Variants in RAD51B observed in about 807,000 individuals in gnomAD.
The protein encoded by RAD51B is RAD51 paralog B.
A neutral mutation model predicts 42.2 loss-of-function variants in RAD51B; 38 were observed. The ratio of observed to expected loss-of-function variants is 0.90; its 90% CI spans 0.70 to 1.18. The LOEUF is 1.18. RAD51B is among the 50% of genes most tolerant of loss of function. The pLI is 0.00. For synonymous variants in RAD51B, 154 were observed against 145.2 expected, an observed-to-expected ratio of 1.06 and a Z score of -0.43; for missense variants, 373 against 400.7, an observed-to-expected ratio of 0.93 and a Z score of 0.59.
chr14:68,408,173 A>G (rs972216296), intron 8 of RAD51B, among the ~76,000 whole-genome samples: 4 of 152,180 alleles, frequency 2.6e-5, no homozygotes, highest in African/African-American at 9.7e-5. Flanking sequence ...TCTAAGGGTG[A>G]GGTAGGAGAA....
At chr14:68,238,667 G>T (rs1370585775) in intron 7 of RAD51B, among the ~76,000 whole-genome samples, 1 of 152,200 alleles carries the variant, frequency 6.6e-6, no homozygotes, top group Non-Finnish European at 1.5e-5. Context: ...ACTCATCACT[G>T]TAACACTCAG....
chr14:68,425,691 G>C (rs1171286259), intron 9 of RAD51B, among the ~76,000 whole-genome samples: 1 of 152,228 alleles, frequency 6.6e-6, no homozygotes, highest in Non-Finnish European at 1.5e-5. Context: ...CAGAAGATTG[G>C]TACTAGGAGT....
intron 8 of RAD51B, chr14:68,338,777 G>T: frequency 1.9e-6 from 1 of 530,452 alleles, no homozygotes; most frequent in South Asian, 1.6e-5. Flanking sequence ...TTTCGAGCTT[G>T]ATAATGTGAG....
At chr14:68,540,112 C>T in intron 10 of RAD51B, 1 of 881,946 alleles carries the variant, frequency 1.1e-6, no homozygotes, top group Non-Finnish European at 1.4e-6. Flanking sequence ...CAGAGCTGCC[C>T]ATGCTCAGCC....
chr14:68,062,654 A>G (rs1271981300), intron 7 of RAD51B, among the ~76,000 whole-genome samples: 2 of 151,680 alleles, frequency 1.3e-5, no homozygotes, highest in Admixed American at 1.3e-4. Context: ...ACAAAATACA[A>G]AAAAATTAGC....
intron 7 of RAD51B, among the ~76,000 whole-genome samples, chr14:67,961,902 A>G (rs1165449471): frequency 2.0e-5 from 3 of 152,264 alleles, no homozygotes; most frequent in Non-Finnish European, 4.4e-5. Flanking sequence ...ACATTCTGAT[A>G]AAGTTAGATA....
intron 7 of RAD51B, among the ~76,000 whole-genome samples, chr14:68,257,027 C>T (rs1018611499): frequency 1.3e-5 from 2 of 152,124 alleles, no homozygotes; most frequent in Non-Finnish European, 2.9e-5. Flanking sequence ...ATGTCCCCTG[C>T]ACTAATCAAA....
intron 8 of RAD51B, among the ~76,000 whole-genome samples, chr14:68,307,394 C>G (rs1389095872): frequency 6.6e-6 from 1 of 152,216 alleles, no homozygotes; most frequent in African/African-American, 2.4e-5. Context: ...CACAATGGAG[C>G]ATATCCGATT....
chr14:68,607,279 C>T (rs1358290708), intron 10 of RAD51B, among the ~76,000 whole-genome samples: 1 of 152,196 alleles, frequency 6.6e-6, no homozygotes, highest in Non-Finnish European at 1.5e-5. Context: ...CTCCATTGGT[C>T]CCAGCTTTTA....
intron 11 of RAD51B, among the ~76,000 whole-genome samples, chr14:68,652,566 T>C (rs535703123): frequency 6.6e-6 from 1 of 152,366 alleles, no homozygotes; most frequent in African/African-American, 2.4e-5. Context: ...ACTCGCTTTG[T>C]CCAGAAGTTG....
At chr14:68,359,471 G>A (rs2082975308) in intron 8 of RAD51B, among the ~76,000 whole-genome samples, 1 of 152,168 alleles carries the variant, frequency 6.6e-6, no homozygotes, top group South Asian at 2.1e-4. Flanking sequence ...AATCACTGGG[G>A]TTGGGGGAGT....
In RAD51B at chr14:67,952,933, A is replaced by G. The variant is rs530882576; in HGVS notation, c.756+65729A>G. On this transcript the variant is annotated intron_variant, in intron 7 of 10. Transcript: ENST00000471583. ...AATGCTTACTACTTCTGAATCAGACATTCTTTGGCATCTTAAACTGAATGC... is the reference window on the plus strand; with the variant it reads ...AATGCTTACTACTTCTGAATCAGACGTTCTTTGGCATCTTAAACTGAATGC... 3.9e-5 allele frequency among the ~76,000 whole-genome samples: 6 copies of G among 152,034 alleles called. No individual in the cohort carries two copies. In the South Asian group the frequency reaches 1.2e-3, roughly 32 times the overall value.
intron 7 of RAD51B, among the ~76,000 whole-genome samples, chr14:67,919,988 G>A (rs2044270250): frequency 6.6e-6 from 1 of 152,070 alleles, no homozygotes; most frequent in African/African-American, 2.4e-5. Flanking sequence ...TTTCTCCAGG[G>A]AATGAGTGGG....
chr14:67,937,622 G>T (rs981437211), intron 7 of RAD51B, among the ~76,000 whole-genome samples: 1 of 152,184 alleles, frequency 6.6e-6, no homozygotes, highest in Non-Finnish European at 1.5e-5. Flanking sequence ...CTTTGACACA[G>T]TATGAATGGA....
At chr14:68,387,054 GGTT>G (rs1170142632) in intron 8 of RAD51B, 3 of 152,184 alleles carry the variant, frequency 2.0e-5, no homozygotes, top group Non-Finnish European at 4.4e-5. Context: ...TATCAGGGAT[GGTT>G]GTTGCTTTTC....
chr14:68,428,584 C>T (rs1334142006), intron 9 of RAD51B, among the ~76,000 whole-genome samples: 1 of 151,436 alleles, frequency 6.6e-6, no homozygotes, highest in Non-Finnish European at 1.5e-5. Context: ...CTGTTTCTAT[C>T]TTTTTGACTA....
At chr14:68,128,489 G>A (rs993980341) in intron 7 of RAD51B, among the ~76,000 whole-genome samples, 2 of 152,120 alleles carry the variant, frequency 1.3e-5, no homozygotes, top group Non-Finnish European at 2.9e-5. Flanking sequence ...TCAGGAGTTC[G>A]AGACTAGCCT....
intron 10 of RAD51B, among the ~76,000 whole-genome samples, chr14:68,648,674 A>ACACACACACAC (rs1892633858): frequency 7.0e-6 from 1 of 143,614 alleles, no homozygotes; most frequent in Non-Finnish European, 1.5e-5. Context: ...AAAGCACACA[A>ACACACACACAC]ACACACACAC....
At chr14:67,837,984 A>G (rs995586645) in intron 4 of RAD51B, among the ~76,000 whole-genome samples, 3 of 151,918 alleles carry the variant, frequency 2.0e-5, no homozygotes, top group Admixed American at 2.0e-4. Flanking sequence ...CCACTATTCT[A>G]CTCTCCACTT....
Sources: gnomAD v4.1 joint callset for allele counts (sites outside exome capture counted in the v4.1 genomes callset) on GRCh38, gnomAD v4.1.1 for gene constraint, MANE v1.5 for transcripts, NCBI Gene and HGNC (gene_info 2026-07-23, HGNC 2026-07-21) for gene names.